The following CTIF variants were observed in gnomAD, a reference collection of about 807,000 sequenced individuals.
CTIF encodes the protein cap binding complex dependent translation initiation factor, also known as CBP80/20-dependent translation initiation factor.
CTIF carries 21 observed loss-of-function variants against 66.0 expected under a neutral mutation model. The observed-to-expected ratio is 0.32, with a 90% confidence interval of 0.23 to 0.46. The LOEUF (loss-of-function observed/expected upper bound fraction) is 0.46. Ranked by LOEUF, CTIF falls within the 20% of genes least tolerant of loss-of-function variation. The pLI, the probability that CTIF is intolerant of heterozygous loss-of-function variation, is 1.00. For missense variants in CTIF, 739 were observed against 812.7 expected (o/e 0.91, Z 1.10); for synonymous variants, 345 against 326.4 (o/e 1.06, Z -0.62).
intron 7 of CTIF, among the ~76,000 whole-genome samples, chr18:48,730,324 GAGGGGCCCC>G (rs2092431069): frequency 4.7e-5 from 5 of 107,346 alleles, no homozygotes; most frequent in African/African-American, 5.8e-5. Context: ...TCTGCGGTGT[GAGGGGCCCC>G]TGCGGTGTGA....
At chr18:48,796,212 C>G (rs918847807) in intron 9 of CTIF, among the ~76,000 whole-genome samples, 1 of 147,084 alleles carries the variant, frequency 6.8e-6, no homozygotes, top group East Asian at 2.1e-4. Context: ...CTCACTCTGT[C>G]GCCCAGGCTG....
chr18:48,757,724 A>G (rs919888684), intron 7 of CTIF, among the ~76,000 whole-genome samples, 195 bp from the exon 8 acceptor site: 4 of 152,130 alleles, frequency 2.6e-5, no homozygotes, highest in African/African-American at 9.7e-5. Flanking sequence ...AGTAGCAAGG[A>G]CCGGTCTGCC....
intron 7 of CTIF, among the ~76,000 whole-genome samples, chr18:48,743,299 T>C (rs1387421668): frequency 6.6e-6 from 1 of 152,194 alleles, no homozygotes; most frequent in Non-Finnish European, 1.5e-5. Flanking sequence ...ACTCACGTCG[T>C]GCAATTTGGA....
At chr18:48,708,605 C>T (rs920476336) in intron 6 of CTIF, among the ~76,000 whole-genome samples, 3 of 152,128 alleles carry the variant, frequency 2.0e-5, no homozygotes, top group South Asian at 2.1e-4. Flanking sequence ...TAGGACCAGC[C>T]CTCTATAGCC....
chr18:48,612,979 A>G (rs1348426295), intron 1 of CTIF, among the ~76,000 whole-genome samples: 24 of 151,992 alleles, frequency 1.6e-4, no homozygotes, highest in Admixed American at 1.6e-3. Context: ...GAGCCTGAAG[A>G]AGTGTGGGGT....
chr18:48,746,514 C>G (rs1383384603), intron 7 of CTIF, among the ~76,000 whole-genome samples: 1 of 151,128 alleles, frequency 6.6e-6, no homozygotes, highest in East Asian at 2.0e-4. Flanking sequence ...ATGGTGGCAC[C>G]ACCTCTCTAG....
chr18:48,554,705 C>G (rs918445090), intron 1 of CTIF, among the ~76,000 whole-genome samples: 2 of 152,246 alleles, frequency 1.3e-5, no homozygotes, highest in Admixed American at 6.5e-5. Context: ...CCCTGAGGCT[C>G]TCCTTCCCAC....
At chr18:48,728,842 T>C (rs1390417784) in intron 7 of CTIF, among the ~76,000 whole-genome samples, 4 of 152,144 alleles carry the variant, frequency 2.6e-5, no homozygotes, top group East Asian at 3.9e-4. Context: ...CCATATTCCA[T>C]TGGTCACAGA....
At chr18:48,784,810 C>G (rs1351705425) in intron 9 of CTIF, among the ~76,000 whole-genome samples, 2 of 152,150 alleles carry the variant, frequency 1.3e-5, no homozygotes, top group Non-Finnish European at 1.5e-5. Context: ...ATCAGCACCA[C>G]AAGCAGGAGG....
intron 9 of CTIF, among the ~76,000 whole-genome samples, chr18:48,775,083 A>T (rs1399734008): frequency 1.3e-5 from 2 of 152,180 alleles, no homozygotes; most frequent in Non-Finnish European, 2.9e-5. Context: ...CACCTGTGGC[A>T]TAAGAAATAA....
At chr18:48,843,248 C>G (rs573861560) in intron 10 of CTIF, among the ~76,000 whole-genome samples, 3 of 152,200 alleles carry the variant, frequency 2.0e-5, no homozygotes, top group Non-Finnish European at 1.5e-5. Flanking sequence ...GCACTGCTGA[C>G]TGGGCTGCCC....
chr18:48,756,794 A>T (rs781311894), intron 7 of CTIF, among the ~76,000 whole-genome samples: 1 of 152,088 alleles, frequency 6.6e-6, no homozygotes, highest in Non-Finnish European at 1.5e-5. Context: ...TTTGGCCACA[A>T]CTCAAAAGTT....
intron 2 of CTIF, among the ~76,000 whole-genome samples, chr18:48,630,571 T>A (rs2090684949): frequency 6.6e-6 from 1 of 152,162 alleles, no homozygotes; most frequent in African/African-American, 2.4e-5. Flanking sequence ...GAGGTTCCCA[T>A]TTGTACATTA....
At chr18:48,553,525 C>T (rs930848372) in intron 1 of CTIF, among the ~76,000 whole-genome samples, 16 of 152,192 alleles carry the variant, frequency 1.1e-4, no homozygotes, top group Admixed American at 2.6e-4. Context: ...AACCTGCAGC[C>T]GCCCAGCTCC....
At chr18:48,798,406 C>T (rs1196931095) in intron 9 of CTIF, among the ~76,000 whole-genome samples, 1 of 152,178 alleles carries the variant, frequency 6.6e-6, no homozygotes, top group Non-Finnish European at 1.5e-5. Flanking sequence ...CATAAGGGCT[C>T]GTGCTTTTTT....
intron 1 of CTIF, among the ~76,000 whole-genome samples, chr18:48,605,148 G>T (rs187764621): frequency 6.6e-6 from 1 of 152,162 alleles, no homozygotes; most frequent in Non-Finnish European, 1.5e-5. Flanking sequence ...ACCTGGAGTG[G>T]AATTGTTGGG....
At chr18:48,643,908 GATTTCCAGTAGCAGGGAGC>G (rs1483368848) in intron 3 of CTIF, among the ~76,000 whole-genome samples, 1 of 152,146 alleles carries the variant, frequency 6.6e-6, no homozygotes, top group East Asian at 1.9e-4. Context: ...AGCAAAGGTT[GATTTCCAGTAGCAGGGAGC>G]ATTTCCAGCA....
At chr18:48,604,459 T>C (rs2090167345) in intron 1 of CTIF, among the ~76,000 whole-genome samples, 1 of 152,156 alleles carries the variant, frequency 6.6e-6, no homozygotes, top group South Asian at 2.1e-4. Context: ...ATTACAGGCG[T>C]GAGCCCCTGC....
chr18:48,819,078 G>C (rs2068428947), intron 10 of CTIF, among the ~76,000 whole-genome samples: 1 of 152,170 alleles, frequency 6.6e-6, no homozygotes, highest in African/African-American at 2.4e-5. Context: ...CAAGCACAGA[G>C]CACACAGTTC....
Sources: allele counts gnomAD v4.1 joint callset (sites outside exome capture counted in the v4.1 genomes callset), GRCh38; gene constraint gnomAD v4.1.1; transcripts MANE v1.5; gene names NCBI Gene and HGNC (gene_info 2026-07-23, HGNC 2026-07-21).